Variants in ARL5B observed in about 807,000 individuals in gnomAD.
ARL5B encodes the protein ARF like GTPase 5B.
ARL5B carries 10 observed loss-of-function variants against 26.9 expected under a neutral mutation model. That is an observed-to-expected ratio of 0.37 (90% CI 0.23 to 0.63). The LOEUF is 0.63. Ranked by LOEUF, ARL5B falls within the 30% of genes least tolerant of loss-of-function variation. The probability of loss-of-function intolerance (pLI) is 0.62; values close to 1 mark genes in which losing one functional copy is unlikely to be tolerated. For synonymous variants in ARL5B, 87 were observed against 70.4 expected (o/e 1.24, Z -1.18); for missense variants, 167 against 213.9 (o/e 0.78, Z 1.37).
In ARL5B at chr10:18,677,876, C is replaced by T. The variant is rs1164732785; in HGVS notation, c.*2660C>T. 1.3e-5 allele frequency: 2 copies of T among 152,076 alleles called. No homozygotes were observed. The highest frequency in any genetic ancestry group is 3.9e-4 in the East Asian group (2 of 5,190). 9.4% of individuals were successfully genotyped at this position (152,076 alleles called of 1,614,324 possible). A position where few individuals can be genotyped will look rare whatever the true frequency, so the allele number is the denominator to read the frequency against. ...TATAGTAAGTGAAAAGCAAGGGACC[C>T]ACCTACATTACCTTCAGGAGACTGT... is the stretch of plus-strand genomic sequence containing the variant. On this transcript the variant is annotated 3_prime_UTR_variant, in exon 6 of 6. Transcript: ENST00000377275.
rs571021339 is a variant in ARL5B, at chr10:18,659,476, G to A, written c.-162G>A. 13 of 885,524 alleles carry A rather than the reference G, an allele frequency of 1.5e-5. No individual in the cohort carries two copies. The highest frequency in any genetic ancestry group is 1.9e-5 in the South Asian group (1 of 52,620). The allele number at this position is 885,524 out of a possible 1,614,324, so 54.9% of individuals were successfully genotyped here. A position where few individuals can be genotyped will look rare whatever the true frequency, so the allele number is the denominator to read the frequency against. ...CTGTCCGGTGGGGATTCGTCGCGGC[G>A]CCTTCTGAGTGGTCGGGTCGAGGCT... On this transcript the variant is annotated 5_prime_UTR_variant, in exon 1 of 6. Transcript: ENST00000377275.
At chr10:18,664,743 G>A (rs1366105587) in intron 1 of ARL5B, among the ~76,000 whole-genome samples, 3 of 152,092 alleles carry the variant, frequency 2.0e-5, no homozygotes, top group African/African-American at 7.2e-5. Context: ...TGGCCTAACA[G>A]TAGTGTCTTA....
chr10:18,666,879 G>A (rs908827937), intron 2 of ARL5B, among the ~76,000 whole-genome samples: 2 of 152,096 alleles, frequency 1.3e-5, no homozygotes, highest in South Asian at 2.1e-4. Context: ...AATAAATAAA[G>A]CGCATATTAG....
rs764626304 is a variant in ARL5B at position 18,681,407 on chromosome 10, T to A, written c.*6191T>A. On this transcript the variant is annotated 3_prime_UTR_variant, in exon 6 of 6. Transcript: ENST00000377275. ...TTTATTAGTTATGAAGTGCTTCTTT[T>A]ATATGTTAAGTTTAGGTTGCCAGTA... 1 of 152,224 alleles carries A rather than the reference T, an allele frequency of 6.6e-6. No homozygotes were observed. The highest frequency in any genetic ancestry group is 2.1e-4 in the South Asian group (1 of 4,836). 9.4% of individuals were successfully genotyped at this position (152,224 alleles called of 1,614,324 possible). A position where few individuals can be genotyped will look rare whatever the true frequency, so the allele number is the denominator to read the frequency against.
intron 4 of ARL5B, among the ~76,000 whole-genome samples, chr10:18,673,133 G>A (rs962440093): frequency 6.6e-6 from 1 of 151,990 alleles, no homozygotes; most frequent in African/African-American, 2.4e-5. Context: ...CGCGATCTTG[G>A]CTCACTGCAA....
chr10:18,672,489 T>G (rs1024494445), intron 3 of ARL5B, 133 bp from the exon 4 acceptor site: 2 of 567,858 alleles, frequency 3.5e-6, no homozygotes, highest in South Asian at 4.7e-5. Flanking sequence ...CTGTTTATGG[T>G]GAAAAAGCAG....
At chr10:18,665,991 A>G (rs1483815994) in intron 1 of ARL5B, among the ~76,000 whole-genome samples, 1 of 152,256 alleles carries the variant, frequency 6.6e-6, no homozygotes, top group Non-Finnish European at 1.5e-5. Context: ...AATCTGCTCA[A>G]AAGAACTGTA....
intron 1 of ARL5B, among the ~76,000 whole-genome samples, chr10:18,660,134 C>G (rs959145207): frequency 4.6e-5 from 7 of 151,996 alleles, no homozygotes; most frequent in African/African-American, 1.7e-4. Context: ...AGTGCACTTT[C>G]ACTCTGATTT....
At position 18,674,026 on chromosome 10, in the gene ARL5B, G is replaced by T; in HGVS notation, c.382G>T (p.Asp128Tyr). ...AGTCCTTATCTTTGCAAATAAACAG[G>T]ATATGAAAGGGTGTATGACAGCAGC... Reference protein sequence around the residue: ...AAVLIFANKQDMKGCMTAAEI... With the variant: ...AAVLIFANKQYMKGCMTAAEI... Residue 128 changes from aspartate to tyrosine, a missense_variant, in exon 5 of 6, where the codon GAT becomes TAT. By Grantham distance (160) the Asp-to-Tyr change is radical. Coordinates refer to ENST00000377275, the MANE Select transcript of ARL5B (RefSeq NM_178815.5). The T allele has an allele frequency of 6.2e-7, 1 of 1,612,848 alleles. No homozygotes were observed. Among genetic ancestry groups the T allele is most frequent in the Non-Finnish European group, 8.5e-7 (1 of 1,179,446 alleles).
chr10:18,668,936 A>T (rs1187403414), intron 3 of ARL5B, among the ~76,000 whole-genome samples: 1 of 151,978 alleles, frequency 6.6e-6, no homozygotes, highest in African/African-American at 2.4e-5. Flanking sequence ...CACCCGGCTA[A>T]TTTTTGTATG....
Position 18,680,223 on chromosome 10 carries a change from C to G in ARL5B, c.*5007C>G, listed in dbSNP as rs1371562529. 1 of 152,010 alleles carries G rather than the reference C, an allele frequency of 6.6e-6. No homozygotes were observed. Among genetic ancestry groups the G allele is most frequent in the East Asian group, 1.9e-4 (1 of 5,192 alleles). The allele number at this position is 152,010 out of a possible 1,614,324, so 9.4% of individuals were successfully genotyped here. On this transcript the variant is annotated 3_prime_UTR_variant, in exon 6 of 6. Transcript: ENST00000377275. ...GTTTGTACCATCCCATAAAAACCCC[C>G]TTCACCCAAACTGTATTTGAAATAT...
At chr10:18,665,567 A>T (rs1017949941) in intron 1 of ARL5B, among the ~76,000 whole-genome samples, 1 of 152,154 alleles carries the variant, frequency 6.6e-6, no homozygotes, top group African/African-American at 2.4e-5. Flanking sequence ...ACTTCAGAGT[A>T]GGAATATGAG....
chr10:18,666,086 T>A (rs1224955816), intron 1 of ARL5B, among the ~76,000 whole-genome samples: 1 of 152,186 alleles, frequency 6.6e-6, no homozygotes, highest in East Asian at 1.9e-4. Flanking sequence ...CATGAAACGT[T>A]TCAATTTTAA....
At position 18,675,987 on chromosome 10, in the gene ARL5B, C is replaced by T. The variant is rs1241146985; in HGVS notation, c.*771C>T. The stretch of plus-strand genomic sequence containing the variant: ...TAAATCTGTTATTTTAAGAATATCA[C>T]ATTATTCAATGCATATAAAACTATC... On this transcript the variant is annotated 3_prime_UTR_variant, in exon 6 of 6. Transcript: ENST00000377275. 3 of 152,066 alleles carry T rather than the reference C, an allele frequency of 2.0e-5. No homozygotes were observed. The East Asian group carries it at 5.8e-4, about 29-fold the overall frequency. 9.4% of individuals were successfully genotyped at this position (152,066 alleles called of 1,614,324 possible). A position where few individuals can be genotyped will look rare whatever the true frequency, so the allele number is the denominator to read the frequency against.
At position 18,678,592 on chromosome 10, in the gene ARL5B, C is replaced by G. The variant is rs1198219726; in HGVS notation, c.*3376C>G. 6.6e-6 allele frequency: 1 copy of G among 151,748 alleles called. No homozygotes were observed. The highest frequency in any genetic ancestry group is 1.5e-5 in the Non-Finnish European group (1 of 67,778). 9.4% of individuals were successfully genotyped at this position (151,748 alleles called of 1,614,324 possible). On this transcript the variant is annotated 3_prime_UTR_variant, in exon 6 of 6. Transcript: ENST00000377275. ...AGTCCTTAACTATGTAAAACCGTATCAGTAGAAAAATGTGCTGGTGTCGTG... is the reference window on the plus strand; with the variant it reads ...AGTCCTTAACTATGTAAAACCGTATGAGTAGAAAAATGTGCTGGTGTCGTG...
intron 4 of ARL5B, among the ~76,000 whole-genome samples, chr10:18,673,591 C>T (rs1050983922): frequency 5.3e-5 from 8 of 152,060 alleles, no homozygotes; most frequent in Non-Finnish European, 1.2e-4. Flanking sequence ...TGAATATTAA[C>T]CAATGACCTT....
intron 5 of ARL5B, among the ~76,000 whole-genome samples, chr10:18,674,705 A>G (rs538179776): frequency 6.2e-4 from 95 of 152,370 alleles, no homozygotes; most frequent in African/African-American, 2.1e-3. Flanking sequence ...ACTTATCCTC[A>G]AATCAACCTC....
chr10:18,678,070 T>G lies in ARL5B; in HGVS notation c.*2854T>G, dbSNP rs1190148518. 6.6e-6 allele frequency: 1 copy of G among 151,758 alleles called. No homozygotes were observed. The highest frequency in any genetic ancestry group is 2.4e-5 in the African/African-American group (1 of 41,406). The allele number at this position is 151,758 out of a possible 1,614,324, so 9.4% of individuals were successfully genotyped here. On this transcript the variant is annotated 3_prime_UTR_variant, in exon 6 of 6. Coordinates refer to ENST00000377275, the MANE Select transcript of ARL5B (RefSeq NM_178815.5). The stretch of plus-strand genomic sequence containing the variant: ...ACCCATCATTCTTATTGAAGCCCAT[T>G]TGAGAACTCTTAGAATTAATAGAAC...
At chr10:18,671,073 A>G (rs1027402357) in intron 3 of ARL5B, among the ~76,000 whole-genome samples, 2 of 148,710 alleles carry the variant, frequency 1.3e-5, no homozygotes, top group Non-Finnish European at 3.0e-5. Context: ...GTTGTTTCCC[A>G]TATTCTGTTG....
Sources: gnomAD v4.1 joint callset for allele counts (sites outside exome capture counted in the v4.1 genomes callset) on GRCh38, gnomAD v4.1.1 for gene constraint, MANE v1.5 for transcripts, NCBI Gene and HGNC (gene_info 2026-07-23, HGNC 2026-07-21) for gene names.